FMNL2: variants seen among roughly 807,000 people sequenced by gnomAD.
FMNL2 encodes the protein formin-like protein 2.
FMNL2 carries 51 observed loss-of-function variants against 130.2 expected under a neutral mutation model. That is an observed-to-expected ratio of 0.39 (90% CI 0.31 to 0.49). The LOEUF (loss-of-function observed/expected upper bound fraction) is 0.49, where lower values mean the gene tolerates loss of function less well. Among genes scored for constraint, FMNL2 ranks in the 20% least tolerant of loss-of-function variants. FMNL2 has a pLI of 0.85. For synonymous variants in FMNL2, 465 were observed against 467.1 expected (o/e 1.00, Z 0.06); for missense variants, 977 against 1,316.2 (o/e 0.74, Z 3.99).
intron 11 of FMNL2, among the ~76,000 whole-genome samples, chr2:152,614,571 C>T (rs888513304): frequency 3.9e-5 from 6 of 151,928 alleles, no homozygotes; most frequent in East Asian, 1.9e-4. Context: ...GGTGAAACCC[C>T]GTCTCTACTA....
chr2:152,511,657 G>T (rs1692501595), intron 1 of FMNL2, among the ~76,000 whole-genome samples: 1 of 152,182 alleles, frequency 6.6e-6, no homozygotes, highest in Non-Finnish European at 1.5e-5. Context: ...CCAAGCTTGA[G>T]TATAGAATCC....
intron 1 of FMNL2, among the ~76,000 whole-genome samples, chr2:152,357,051 GATAAATATTACATAAGTTTAATA>G (rs1560293481): frequency 3.9e-4 from 56 of 142,834 alleles, no homozygotes; most frequent in Non-Finnish European, 6.9e-4. Context: ...AATATATCAC[GATAAATATTACATAAGTTTAATA>G]TATCACGATA....
rs1693463807 is a variant in FMNL2, at chr2:152,527,684, G to T, written c.201+5658G>T. On this transcript the variant is annotated intron_variant, in intron 2 of 25. Coordinates refer to ENST00000288670, the MANE Select transcript of FMNL2 (RefSeq NM_052905.4). ...ACTACGAACTCATGAATTTTCATGG[G>T]TTCATCATGTTTCAATCAATGTGAT... Among the ~76,000 whole-genome samples, 3 of 151,904 alleles carry T rather than the reference G, an allele frequency of 2.0e-5. No individual in the cohort carries two copies. In the South Asian group the frequency reaches 6.2e-4, roughly 32 times the overall value.
chr2:152,498,868 T>C (rs1237887795), intron 1 of FMNL2, among the ~76,000 whole-genome samples: 4 of 152,194 alleles, frequency 2.6e-5, no homozygotes, highest in Non-Finnish European at 1.5e-5. Flanking sequence ...ATTGAAAACA[T>C]GGCAAATGGT....
intron 1 of FMNL2, among the ~76,000 whole-genome samples, chr2:152,382,737 T>TA (rs1195540870): frequency 6.6e-6 from 1 of 152,096 alleles, no homozygotes; most frequent in Non-Finnish European, 1.5e-5. Flanking sequence ...TAAACTTATA[T>TA]AAAAAAATCA....
At chr2:152,436,189 A>G (rs1687753004) in intron 1 of FMNL2, among the ~76,000 whole-genome samples, 1 of 151,398 alleles carries the variant, frequency 6.6e-6, no homozygotes, top group Non-Finnish European at 1.5e-5. Context: ...TTTTTGAGAC[A>G]GGGTCTGGCT....
chr2:152,383,902 C>G (rs2105904662), intron 1 of FMNL2, among the ~76,000 whole-genome samples: 1 of 152,256 alleles, frequency 6.6e-6, no homozygotes. Flanking sequence ...ATTTGTAAAA[C>G]TGTATGTGCA....
rs116692545 is a variant in FMNL2 at position 152,455,254 on chromosome 2, G to T, written c.118-66689G>T. 6.4e-3 allele frequency among the ~76,000 whole-genome samples: 979 copies of T among 152,248 alleles called. 12 individuals carry two copies. Among genetic ancestry groups the T allele is most frequent in the African/African-American group, 0.022 (924 of 41,546 alleles). On this transcript the variant is annotated intron_variant, in intron 1 of 25. Coordinates refer to ENST00000288670, the MANE Select transcript of FMNL2 (RefSeq NM_052905.4). ...GTACACTTGGAAAGGGTGGGAACAG[G>T]GTAGGGGCTGGCTACTTAAAAGGCA...
intron 4 of FMNL2, among the ~76,000 whole-genome samples, chr2:152,557,182 A>G (rs1346276881): frequency 1.3e-5 from 2 of 152,174 alleles, no homozygotes; most frequent in African/African-American, 4.8e-5. Flanking sequence ...AATAAATAAA[A>G]AATAAGTATC....
intron 1 of FMNL2, among the ~76,000 whole-genome samples, chr2:152,495,653 C>CAAAAAAAAAAAAAAAAA (rs55989531): frequency 0.3 from 14,330 of 47,798 alleles, 5,424 homozygotes; most frequent in Non-Finnish European, 0.46. Flanking sequence ...TCCGTCTCAC[C>CAAAAAAAAAAAAAAAAA]AAAAAAAAAA....
Position 152,522,037 on chromosome 2 carries a change from G to C in FMNL2, c.201+11G>C. On this transcript the variant is annotated intron_variant, in intron 2 of 25. Coordinates refer to ENST00000288670, the MANE Select transcript of FMNL2 (RefSeq NM_052905.4). ...CTGATTTGTGATCAGGTAAGAAACAGTGACACTTTCTTTTATGAAAAAAGT... is the reference window on the plus strand; with the variant it reads ...CTGATTTGTGATCAGGTAAGAAACACTGACACTTTCTTTTATGAAAAAAGT... 2 of 1,595,376 alleles carry C rather than the reference G, an allele frequency of 1.3e-6. No individual in the cohort carries two copies. Among genetic ancestry groups the C allele is most frequent in the Non-Finnish European group, 1.7e-6 (2 of 1,171,140 alleles).
chr2:152,599,091 G>A (rs57414152), intron 9 of FMNL2, among the ~76,000 whole-genome samples: 2,962 of 152,300 alleles, frequency 0.019, 111 homozygotes, highest in African/African-American at 0.065. Context: ...TTTTTGTTCT[G>A]TTTGGGCCCT....
At chr2:152,567,265 A>G (rs1695897920) in intron 6 of FMNL2, among the ~76,000 whole-genome samples, 1 of 152,204 alleles carries the variant, frequency 6.6e-6, no homozygotes, top group South Asian at 2.1e-4. Flanking sequence ...CTCTCCATTC[A>G]TATGATGGGT....
intron 6 of FMNL2, among the ~76,000 whole-genome samples, chr2:152,574,005 A>G (rs1696324808): frequency 6.6e-6 from 1 of 152,160 alleles, no homozygotes; most frequent in Non-Finnish European, 1.5e-5. Context: ...ATTCTAATTA[A>G]TTTTGTTGCT....
At chr2:152,636,937 CTT>C (rs1351120406) in intron 22 of FMNL2, among the ~76,000 whole-genome samples, 1 of 152,104 alleles carries the variant, frequency 6.6e-6, no homozygotes, top group East Asian at 1.9e-4. Flanking sequence ...TTCTGTAGAT[CTT>C]GTCCTTGAAA....
In FMNL2 at chr2:152,558,610, C is replaced by T. The variant is rs1475147164; in HGVS notation, c.360-130C>T. ...CCTGCCTCATGTGAAGTAGTCTAGGCCTTCCTCCCTATGTCCTTTCAGGCA... is the reference window on the plus strand; with the variant it reads ...CCTGCCTCATGTGAAGTAGTCTAGGTCTTCCTCCCTATGTCCTTTCAGGCA... On this transcript the variant is annotated intron_variant, in intron 4 of 25. Transcript: ENST00000288670. 5 of 747,324 alleles carry T rather than the reference C, an allele frequency of 6.7e-6. No individual in the cohort carries two copies. In the East Asian group the frequency reaches 1.3e-4, roughly 20 times the overall value. The allele number at this position is 747,324 out of a possible 1,614,324, so 46.3% of individuals were successfully genotyped here.
At chr2:152,573,680 C>A (rs1460345995) in intron 6 of FMNL2, among the ~76,000 whole-genome samples, 3 of 152,072 alleles carry the variant, frequency 2.0e-5, no homozygotes, top group Non-Finnish European at 4.4e-5. Context: ...TCAGATACTA[C>A]CTTTTATTAC....
chr2:152,355,213 A>G (rs1682716049), intron 1 of FMNL2, among the ~76,000 whole-genome samples: 2 of 152,204 alleles, frequency 1.3e-5, no homozygotes, highest in South Asian at 4.1e-4. Flanking sequence ...CATGATGGTA[A>G]CTGCCAAAAG....
intron 1 of FMNL2, among the ~76,000 whole-genome samples, chr2:152,371,686 A>G (rs34635752): frequency 0.044 from 6,543 of 149,330 alleles, 193 homozygotes; most frequent in Non-Finnish European, 0.063. Context: ...AAAAAAAAAA[A>G]AAAGAAAGAA....
Sources: allele counts gnomAD v4.1 joint callset (sites outside exome capture counted in the v4.1 genomes callset), GRCh38; gene constraint gnomAD v4.1.1; transcripts MANE v1.5; gene names NCBI Gene and HGNC (gene_info 2026-07-23, HGNC 2026-07-21).